Variants in TENM4 observed in about 807,000 individuals in gnomAD.
TENM4 encodes teneurin transmembrane protein 4, also known as teneurin-4.
A neutral mutation model predicts 243.3 loss-of-function variants in TENM4; 82 were observed. The observed-to-expected ratio is 0.34, with a 90% CI of 0.28 to 0.40. The LOEUF (loss-of-function observed/expected upper bound fraction) is 0.40, where lower values mean the gene tolerates loss of function less well. Ranked by LOEUF, TENM4 falls within the 10% of genes least tolerant of loss-of-function variation. The probability of loss-of-function intolerance (pLI) is 1.00; values close to 1 mark genes in which losing one functional copy is unlikely to be tolerated. For missense variants in TENM4, 3,138 were observed against 3,673.3 expected (o/e 0.85, Z 3.77); for synonymous variants, 1,412 against 1,456.3 (o/e 0.97, Z 0.69).
At position 78,891,316 on chromosome 11, in the gene TENM4, A is replaced by C; in HGVS notation, c.770T>G (p.Phe257Cys). 2 of 1,551,678 alleles carry C rather than the reference A, an allele frequency of 1.3e-6. No homozygotes were observed. Among genetic ancestry groups the C allele is most frequent in the Non-Finnish European group, 1.7e-6 (2 of 1,146,996 alleles). ...GAGGTTGTCCTGCAATGTCCCTAGG[A>C]ATGGCTGCTTGCCTAGGTTTCTACG... is the stretch of plus-strand genomic sequence containing the variant. Reference protein sequence around the residue: ...LETRNLGKQPFLGTLQDNLIE... With the variant: ...LETRNLGKQPCLGTLQDNLIE... The change falls in exon 8 of 34, where the codon TTC (phenylalanine) becomes TGC (cysteine). Residue 257 changes from phenylalanine to cysteine, a missense_variant. Physicochemically the swap from Phe to Cys is radical, Grantham distance 205 (BLOSUM62 -2). This residue lies in a region of TENM4 where 671 missense variants were observed against 614.1 expected (regional missense o/e 1.09). Coordinates refer to ENST00000278550, the MANE Select transcript of TENM4 (RefSeq NM_001098816.3).
chr11:79,284,256 C>G (rs1672293131), intron 2 of TENM4, among the ~76,000 whole-genome samples: 1 of 152,110 alleles, frequency 6.6e-6, no homozygotes, highest in African/African-American at 2.4e-5. Flanking sequence ...TCACATAATC[C>G]TTAAAAAGAA....
chr11:78,831,992 C>T (rs552970820), intron 12 of TENM4, among the ~76,000 whole-genome samples: 9 of 152,300 alleles, frequency 5.9e-5, no homozygotes, highest in African/African-American at 2.2e-4. Context: ...TATTGCAAGT[C>T]AGGCACAGTG....
At chr11:79,309,304 T>C (rs7934520) in intron 1 of TENM4, among the ~76,000 whole-genome samples, 36,906 of 152,172 alleles carry the variant, frequency 0.24, 4,835 homozygotes, top group African/African-American at 0.31. Context: ...TTTCATTGCC[T>C]TGGGAAGGAA....
At chr11:78,969,434 C>G (rs1857498133) in intron 6 of TENM4, among the ~76,000 whole-genome samples, 1 of 152,094 alleles carries the variant, frequency 6.6e-6, no homozygotes, top group Non-Finnish European at 1.5e-5. Flanking sequence ...GCTAGTTGTC[C>G]AAGAAGAACA....
At chr11:78,767,436 T>A (rs768601674) in intron 18 of TENM4, among the ~76,000 whole-genome samples, 45 of 152,196 alleles carry the variant, frequency 3.0e-4, no homozygotes, top group Non-Finnish European at 5.6e-4. Context: ...CACACTACAC[T>A]TCTAGGTGGA....
chr11:78,702,551 C>G (rs1050658480), intron 27 of TENM4, 148 bp from the exon 28 acceptor site: 6 of 963,728 alleles, frequency 6.2e-6, no homozygotes, highest in Non-Finnish European at 7.7e-6. Flanking sequence ...AACAATGAAG[C>G]GTCAGCCCCC....
At chr11:78,849,106 G>T (rs2136192108) in intron 12 of TENM4, among the ~76,000 whole-genome samples, 1 of 152,294 alleles carries the variant, frequency 6.6e-6, no homozygotes, top group East Asian at 1.9e-4. Flanking sequence ...TTGCCACAAT[G>T]TCAGGCTGAT....
intron 9 of TENM4, among the ~76,000 whole-genome samples, chr11:78,887,096 C>A (rs1040220281): frequency 6.6e-6 from 1 of 152,142 alleles, no homozygotes; most frequent in African/African-American, 2.4e-5. Context: ...AGTTGCCCAC[C>A]CAATTAGGTC....
chr11:79,195,998 A>C (rs1335859870), intron 3 of TENM4, among the ~76,000 whole-genome samples: 2 of 152,094 alleles, frequency 1.3e-5, no homozygotes, highest in African/African-American at 4.8e-5. Flanking sequence ...TTCTCATGAT[A>C]GTGAATAAGC....
chr11:79,254,881 C>A (rs565232437), intron 2 of TENM4, among the ~76,000 whole-genome samples: 1 of 152,184 alleles, frequency 6.6e-6, no homozygotes, highest in African/African-American at 2.4e-5. Context: ...AAATAAGAAA[C>A]TGGGGCTTGG....
chr11:78,743,397 C>G (rs1855976973), intron 19 of TENM4, among the ~76,000 whole-genome samples: 1 of 152,198 alleles, frequency 6.6e-6, no homozygotes, highest in Non-Finnish European at 1.5e-5. Context: ...AAAAGAAAAC[C>G]TCCTCCAAAA....
chr11:79,019,949 T>C (rs1034964864), intron 6 of TENM4, among the ~76,000 whole-genome samples: 1 of 152,198 alleles, frequency 6.6e-6, no homozygotes, highest in Non-Finnish European at 1.5e-5. Context: ...TTCAGGCACC[T>C]GAGTACCTGG....
At chr11:79,273,145 A>G (rs958991315) in intron 2 of TENM4, among the ~76,000 whole-genome samples, 3 of 152,180 alleles carry the variant, frequency 2.0e-5, no homozygotes, top group African/African-American at 4.8e-5. Flanking sequence ...TCAGAGCCTT[A>G]GTTTCTCCAT....
intron 6 of TENM4, among the ~76,000 whole-genome samples, chr11:78,946,440 T>C (rs1314582391): frequency 6.6e-6 from 1 of 152,238 alleles, no homozygotes; most frequent in Admixed American, 6.5e-5. Context: ...TTACTGACAA[T>C]GTACCTGGTC....
At chr11:79,216,337 C>A (rs1462413416) in intron 2 of TENM4, among the ~76,000 whole-genome samples, 3 of 152,200 alleles carry the variant, frequency 2.0e-5, no homozygotes, top group Non-Finnish European at 2.9e-5. Context: ...TGACTGCATA[C>A]TGTGATGGGA....
At chr11:79,385,733 CT>C (rs5792851) in intron 1 of TENM4, among the ~76,000 whole-genome samples, 76,981 of 151,864 alleles carry the variant, frequency 0.51, 19,613 homozygotes, top group East Asian at 0.56. Context: ...TATTTTTCCC[CT>C]ATCCTTTGGG....
At chr11:78,823,414 C>T (rs981589207) in intron 12 of TENM4, among the ~76,000 whole-genome samples, 19 of 152,290 alleles carry the variant, frequency 1.2e-4, no homozygotes, top group African/African-American at 4.1e-4. Flanking sequence ...GCAGAGGTTC[C>T]GGGCCAATAA....
At chr11:78,990,079 G>A (rs1452340093) in intron 6 of TENM4, among the ~76,000 whole-genome samples, 12 of 147,552 alleles carry the variant, frequency 8.1e-5, no homozygotes, top group African/African-American at 2.9e-4. Context: ...AAAAAAAAAA[G>A]ATGATTTGGC....
chr11:78,838,993 T>A (rs956255247), intron 12 of TENM4, among the ~76,000 whole-genome samples: 68 of 152,364 alleles, frequency 4.5e-4, no homozygotes, highest in African/African-American at 1.6e-3. Flanking sequence ...TCTTCATTTT[T>A]CAAATAATAA....
Sources: allele counts gnomAD v4.1 joint callset (sites outside exome capture counted in the v4.1 genomes callset), GRCh38; gene constraint gnomAD v4.1.1; regional missense constraint gnomAD v4.1.1; transcripts MANE v1.5; gene names NCBI Gene and HGNC (gene_info 2026-07-23, HGNC 2026-07-21).